The following CNTNAP5 variants were observed in gnomAD, a reference collection of about 807,000 sequenced individuals.
CNTNAP5 encodes the protein contactin associated protein family member 5, also known as contactin-associated protein-like 5.
Under a neutral mutation model 150.2 loss-of-function variants are expected in CNTNAP5, and 72 were observed. That is an observed-to-expected ratio of 0.48 (90% CI 0.40 to 0.58). The LOEUF is 0.58. CNTNAP5 is among the 20% of genes least tolerant of loss of function. The pLI, the probability that CNTNAP5 is intolerant of heterozygous loss-of-function variation, is 0.00. For synonymous variants in CNTNAP5, 672 were observed against 619.8 expected (o/e 1.08, Z -1.25); for missense variants, 1,636 against 1,626.2 (o/e 1.01, Z -0.10).
intron 13 of CNTNAP5, among the ~76,000 whole-genome samples, chr2:124,679,777 C>A (rs1679024264): frequency 6.6e-6 from 1 of 151,748 alleles, no homozygotes; most frequent in East Asian, 1.9e-4. Flanking sequence ...GTTGCCCAGG[C>A]TAGTCTCAGA....
chr2:124,765,727 A>G (rs1681053727), intron 16 of CNTNAP5, among the ~76,000 whole-genome samples: 2 of 152,100 alleles, frequency 1.3e-5, no homozygotes, highest in South Asian at 4.1e-4. Flanking sequence ...AGGCCTAAGC[A>G]GGAGGATTAC....
intron 3 of CNTNAP5, among the ~76,000 whole-genome samples, chr2:124,310,968 A>G (rs1175416733): frequency 6.6e-6 from 1 of 152,148 alleles, no homozygotes; most frequent in Non-Finnish European, 1.5e-5. Flanking sequence ...CTTTAAATTT[A>G]GATGAAAATG....
At chr2:124,242,529 A>G in intron 3 of CNTNAP5, 136 bp downstream of exon 3, 1 of 826,246 alleles carries the variant, frequency 1.2e-6, no homozygotes. Flanking sequence ...ATAATTAGAC[A>G]ATTTTTAAGG....
At chr2:124,627,720 A>T (rs1486410684) in intron 12 of CNTNAP5, among the ~76,000 whole-genome samples, 1 of 152,184 alleles carries the variant, frequency 6.6e-6, no homozygotes, top group Non-Finnish European at 1.5e-5. Flanking sequence ...GCTGAGATGG[A>T]TGAACTGACA....
chr2:124,635,212 G>T (rs916172586), intron 12 of CNTNAP5, among the ~76,000 whole-genome samples: 3 of 152,256 alleles, frequency 2.0e-5, no homozygotes, highest in Admixed American at 6.5e-5. Flanking sequence ...ATGAAAAGCA[G>T]GCATGACTTA....
rs772632127 is a variant in CNTNAP5, at chr2:124,679,817, G to A, written c.2077+31859G>A. 4.6e-5 allele frequency among the ~76,000 whole-genome samples: 7 copies of A among 151,768 alleles called. No homozygotes were observed. In the South Asian group the frequency reaches 1.2e-3, roughly 27 times the overall value. ...TGGGCTCAAGTGATCTGCCCACCTC[G>A]GCCTCCCTAAGTGCTGGGATTACAG... On this transcript the variant is annotated intron_variant, in intron 13 of 23. Transcript: ENST00000682447.
intron 3 of CNTNAP5, among the ~76,000 whole-genome samples, chr2:124,386,476 A>G (rs913357103): frequency 1.3e-5 from 2 of 152,240 alleles, no homozygotes; most frequent in African/African-American, 2.4e-5. Context: ...CTCATCAAGC[A>G]GTCTCTTCCA....
At chr2:124,464,663 T>C (rs759276955) in intron 6 of CNTNAP5, among the ~76,000 whole-genome samples, 1 of 152,180 alleles carries the variant, frequency 6.6e-6, no homozygotes, top group Non-Finnish European at 1.5e-5. Context: ...TATATGCTGT[T>C]TTACTTTCTT....
At chr2:124,625,363 G>A (rs956530646) in intron 12 of CNTNAP5, among the ~76,000 whole-genome samples, 1 of 152,136 alleles carries the variant, frequency 6.6e-6, no homozygotes, top group Admixed American at 6.6e-5. Flanking sequence ...GCATGAGCTG[G>A]GATGAACATT....
At chr2:124,697,611 G>GAA (rs5834084) in intron 13 of CNTNAP5, among the ~76,000 whole-genome samples, 20,224 of 128,168 alleles carry the variant, frequency 0.16, 2,199 homozygotes, top group African/African-American at 0.31. Flanking sequence ...CCCTTAGTTT[G>GAA]AAAAAAAAAA....
chr2:124,842,797 G>A, intron 19 of CNTNAP5, among the ~76,000 whole-genome samples: 1 of 152,018 alleles, frequency 6.6e-6, no homozygotes, highest in East Asian at 1.9e-4. Flanking sequence ...AATGAATCGA[G>A]CCCTAGAAAA....
chr2:124,141,980 G>T (rs1684122385), intron 1 of CNTNAP5, among the ~76,000 whole-genome samples: 1 of 136,992 alleles, frequency 7.3e-6, no homozygotes, highest in African/African-American at 2.8e-5. Context: ...AAAAGGCAGG[G>T]GTTGCAATCC....
intron 13 of CNTNAP5, among the ~76,000 whole-genome samples, chr2:124,710,618 C>A (rs13021629): frequency 0.38 from 58,377 of 151,868 alleles, 11,400 homozygotes; most frequent in Non-Finnish European, 0.42. Flanking sequence ...TGGCAATTTG[C>A]TTCCATCTTT....
intron 2 of CNTNAP5, among the ~76,000 whole-genome samples, chr2:124,226,502 A>G (rs1202963765): frequency 6.6e-6 from 1 of 151,522 alleles, no homozygotes; most frequent in Non-Finnish European, 1.5e-5. Flanking sequence ...TTGGGTATTA[A>G]CCCCTTATGA....
chr2:124,889,547 G>C lies in CNTNAP5; in HGVS notation c.3437-13335G>C, dbSNP rs143855899. Among the ~76,000 whole-genome samples, 292 of 152,056 alleles carry C rather than the reference G, an allele frequency of 1.9e-3. 2 individuals are homozygous for C. The highest frequency in any genetic ancestry group is 6.7e-3 in the African/African-American group (279 of 41,484). On this transcript the variant is annotated intron_variant, in intron 21 of 23. Coordinates refer to ENST00000682447, the MANE Select transcript of CNTNAP5 (RefSeq NM_001367498.1). ...TTCTTAAATATAGCATTTTCCTTGTGTTTTCCTAGAGAGCTCTTTTCTAAG... is the reference window on the plus strand; with the variant it reads ...TTCTTAAATATAGCATTTTCCTTGTCTTTTCCTAGAGAGCTCTTTTCTAAG...
intron 1 of CNTNAP5, among the ~76,000 whole-genome samples, chr2:124,198,669 AT>A (rs1685648082): frequency 6.6e-6 from 1 of 151,692 alleles, no homozygotes; most frequent in African/African-American, 2.4e-5. Flanking sequence ...TTAGTCCATT[AT>A]TTTCTGACAT....
At chr2:124,679,969 C>A (rs1679028926) in intron 13 of CNTNAP5, among the ~76,000 whole-genome samples, 1 of 151,734 alleles carries the variant, frequency 6.6e-6, no homozygotes, top group African/African-American at 2.4e-5. Context: ...GAGACCCCCG[C>A]CCCCACAACT....
At chr2:124,611,157 C>G (rs1276730144) in intron 12 of CNTNAP5, among the ~76,000 whole-genome samples, 1 of 152,098 alleles carries the variant, frequency 6.6e-6, no homozygotes, top group Non-Finnish European at 1.5e-5. Context: ...AACAAAGCAA[C>G]CACATTTATG....
intron 10 of CNTNAP5, among the ~76,000 whole-genome samples, chr2:124,556,902 C>G (rs1335005957): frequency 6.6e-6 from 1 of 151,738 alleles, no homozygotes; most frequent in Non-Finnish European, 1.5e-5. Context: ...TCAAGGTGAG[C>G]TGGATGGGTA....
Sources: gnomAD v4.1 joint callset for allele counts (sites outside exome capture counted in the v4.1 genomes callset) on GRCh38, gnomAD v4.1.1 for gene constraint, MANE v1.5 for transcripts, NCBI Gene and HGNC (gene_info 2026-07-23, HGNC 2026-07-21) for gene names.